Variants in NEB observed in about 807,000 individuals in gnomAD.
NEB encodes the protein nemaline myopathy type 2.
In NEB, 512 loss-of-function variants were observed where a neutral mutation model predicts 952.2. The observed-to-expected ratio is 0.54, with a 90% CI of 0.50 to 0.58. The LOEUF is 0.58. Ranked by LOEUF, NEB falls within the 20% of genes least tolerant of loss-of-function variation. The probability of loss-of-function intolerance (pLI) is 0.00; values close to 1 mark genes in which losing one functional copy is unlikely to be tolerated. For missense variants in NEB, 8,428 were observed against 9,231.1 expected (o/e 0.91, Z 3.56); for synonymous variants, 2,900 against 3,149.8 (o/e 0.92, Z 2.66).
At chr2:151,686,284 T>C (rs1223382728) in intron 27 of NEB, among the ~76,000 whole-genome samples, 1 of 152,250 alleles carries the variant, frequency 6.6e-6, no homozygotes, top group Non-Finnish European at 1.5e-5. Flanking sequence ...GTCTGCAGCT[T>C]AGCATTTTGC....
chr2:151,527,023 CTG>C lies in NEB; in HGVS notation c.21841-3_21841-2del. ...ACTCCCGGTCCAGCTTATATTCAAA[CTG>C]TGATAGAAGAAAGGCAGAAGAAAAG... On this transcript the variant is annotated splice_acceptor_variant and splice_polypyrimidine_tract_variant and intron_variant, in intron 147 of 181. Coordinates refer to ENST00000397345, the MANE Select transcript of NEB (RefSeq NM_001164508.2). LOFTEE classifies it high-confidence loss of function. 1 of 1,581,502 alleles carries C rather than the reference CTG, an allele frequency of 6.3e-7. No individual in the cohort carries two copies.
At position 151,568,809 on chromosome 2, in the gene NEB, A is replaced by G. The variant is rs961364519; in HGVS notation, c.17536-93T>C. On this transcript the variant is annotated intron_variant, in intron 110 of 181. Transcript: ENST00000397345. ...TAAATTTAGAGTCCTTCTCTACTAGAAACATACAGTGCCGTATTTGAATAG... is the reference window on the plus strand; with the variant it reads ...TAAATTTAGAGTCCTTCTCTACTAGGAACATACAGTGCCGTATTTGAATAG... The G allele has an allele frequency of 1.4e-5, 12 of 874,362 alleles. No individual in the cohort carries two copies. The Middle Eastern group carries it at 6.7e-4, about 49-fold the overall frequency. 54.2% of individuals were successfully genotyped at this position (874,362 alleles called of 1,614,324 possible).
At chr2:151,665,043 T>C (rs1343753259) in intron 42 of NEB, among the ~76,000 whole-genome samples, 180 bp from the exon 43 acceptor site, 1 of 152,178 alleles carries the variant, frequency 6.6e-6, no homozygotes, top group African/African-American at 2.4e-5. Flanking sequence ...AATTGTTGAA[T>C]ACGGCAACCC....
rs775841964 is a variant in NEB at position 151,672,571 on chromosome 2, G to T, written c.4097C>A (p.Ser1366Tyr). 2.5e-6 allele frequency: 4 copies of T among 1,613,878 alleles called. No individual in the cohort carries two copies. In the East Asian group the frequency reaches 8.9e-5, roughly 36 times the overall value. ...VHYMNVAKLQ[S>Y]DREYKKNYEN... ...ATAGTTCTTCTTGTATTCACGATCA[G>T]ACTGCAGCTTTGCCACATTCATATA... The change falls in exon 37 of 182, where the codon TCT becomes TAT. Residue 1366 changes from serine (S) to tyrosine (Y), a missense_variant. By Grantham distance (144) the Ser-to-Tyr change is moderately radical (BLOSUM62 -2). Coordinates refer to ENST00000397345, the MANE Select transcript of NEB (RefSeq NM_001164508.2).
chr2:151,729,951 AT>A (rs2099801869), intron 3 of NEB, among the ~76,000 whole-genome samples: 2 of 152,222 alleles, frequency 1.3e-5, no homozygotes, highest in Non-Finnish European at 1.5e-5. Flanking sequence ...GGACATGGAA[AT>A]TTTTTTCTTA....
intron 107 of NEB, among the ~76,000 whole-genome samples, chr2:151,574,272 C>T (rs894901694): frequency 5.3e-5 from 8 of 152,296 alleles, no homozygotes; most frequent in Non-Finnish European, 8.8e-5. Flanking sequence ...TCGCGCCAGG[C>T]ATGTTCTTAC....
In NEB at chr2:151,631,168, T is replaced by A. The variant is rs2098659755; in HGVS notation, c.9593A>T (p.Lys3198Met). Residue 3198 changes from lysine to methionine, a missense_variant, in exon 66 of 182, where the codon AAG becomes ATG. Physicochemically the swap from Lys to Met is moderately conservative, Grantham distance 95. Around this residue, in one of 11 missense-constraint regions of NEB, gnomAD observed 1,772 missense variants for 1,960.3 expected, o/e 0.90. Transcript: ENST00000397345. ...VTDSLEQVLAKNNALNMNKRL... is the reference protein window; with the variant it reads ...VTDSLEQVLAMNNALNMNKRL... ...CTTATTCATGTTGAGAGCATTGTTCTTGGCCAGCACCTGCTCTAGAGAATC... is the reference window on the plus strand; with the variant it reads ...CTTATTCATGTTGAGAGCATTGTTCATGGCCAGCACCTGCTCTAGAGAATC... The A allele has an allele frequency of 1.2e-6, 2 of 1,613,974 alleles. No homozygotes were observed. The highest frequency in any genetic ancestry group is 1.7e-6 in the Non-Finnish European group (2 of 1,179,854).
intron 148 of NEB, 143 bp downstream of exon 148, chr2:151,526,775 C>G (rs2086372936): frequency 3.1e-6 from 2 of 654,304 alleles, no homozygotes; most frequent in African/African-American, 3.6e-5. Context: ...GCGCCCCTCA[C>G]AGGACAGGCC....
intron 143 of NEB, among the ~76,000 whole-genome samples, chr2:151,532,325 G>C (rs2091725244): frequency 1.3e-5 from 2 of 152,108 alleles, no homozygotes; most frequent in African/African-American, 4.8e-5. Flanking sequence ...ACTAGAACCT[G>C]TTCTCTGGAG....
intron 167 of NEB, among the ~76,000 whole-genome samples, chr2:151,502,388 A>ACAT (rs2065344892): frequency 8.5e-5 from 2 of 23,406 alleles, no homozygotes; most frequent in Non-Finnish European, 2.1e-4. Context: ...ATCTAAACAT[A>ACAT]AAAAAAAAAA....
chr2:151,519,952 C>T (rs2080791902), intron 153 of NEB, 184 bp from the exon 154 acceptor site: 1 of 460,030 alleles, frequency 2.2e-6, no homozygotes, highest in East Asian at 3.3e-5. Context: ...GACAAGACAA[C>T]AGGCATTCAA....
chr2:151,500,593 C>CTTTT (rs11428843), intron 168 of NEB, among the ~76,000 whole-genome samples: 14 of 118,438 alleles, frequency 1.2e-4, no homozygotes, highest in African/African-American at 2.1e-4. Flanking sequence ...TTCTTTCTTC[C>CTTTT]TTTTTTTTTT....
Position 151,629,636 on chromosome 2 carries a change from T to A in NEB, c.9734A>T (p.Lys3245Ile). The A allele has an allele frequency of 1.9e-6, 3 of 1,613,402 alleles. No homozygotes were observed. The highest frequency in any genetic ancestry group is 1.7e-6 in the Non-Finnish European group (2 of 1,179,476). The stretch of plus-strand genomic sequence containing the variant: ...CTTTTTTGCTTCTTCATTGGCAAGT[T>A]TGTATAGAGTCTATGAAAAGAAAGG... ...NKINYSETLY[K>I]LANEEAKKKG... The change falls in exon 68 of 182, where the codon AAA (lysine) becomes ATA (isoleucine). Residue 3245 changes from lysine to isoleucine, a missense_variant. Physicochemically the swap from Lys to Ile is moderately radical, Grantham distance 102 (BLOSUM62 -3). Coordinates refer to ENST00000397345, the MANE Select transcript of NEB (RefSeq NM_001164508.2).
chr2:151,684,310 C>T (rs1223997421), intron 28 of NEB, among the ~76,000 whole-genome samples: 1 of 152,084 alleles, frequency 6.6e-6, no homozygotes, highest in Middle Eastern at 3.2e-3. Flanking sequence ...AAGTTCTGAT[C>T]TGCAGAAAAA....
intron 54 of NEB, 116 bp from the exon 55 acceptor site, chr2:151,646,350 A>G: frequency 2.5e-6 from 2 of 787,656 alleles, no homozygotes; most frequent in Admixed American, 2.1e-5. Flanking sequence ...AATTGATATA[A>G]TAAGCAGACA....
intron 77 of NEB, among the ~76,000 whole-genome samples, 172 bp from the exon 78 acceptor site, chr2:151,612,561 G>T (rs2098025345): frequency 6.6e-6 from 1 of 152,128 alleles, no homozygotes; most frequent in Non-Finnish European, 1.5e-5. Context: ...TAAATGCCTG[G>T]CTCCTGAAGG....
chr2:151,663,226 A>G (rs1269969852), intron 45 of NEB, among the ~76,000 whole-genome samples: 1 of 152,144 alleles, frequency 6.6e-6, no homozygotes, highest in East Asian at 1.9e-4. Flanking sequence ...TTCCTCTATT[A>G]AAAGCCTATT....
chr2:151,570,444 C>A, intron 108 of NEB, 52 bp from the exon 109 acceptor site: 1 of 1,589,022 alleles, frequency 6.3e-7, no homozygotes, highest in Non-Finnish European at 8.5e-7. Context: ...TCTTGATGCA[C>A]CTAGGGCATC....
chr2:151,490,197 A>G, intron 180 of NEB, 120 bp from the exon 181 acceptor site: 1 of 1,177,674 alleles, frequency 8.5e-7, no homozygotes, highest in Non-Finnish European at 1.2e-6. Flanking sequence ...AAAAAGAGAA[A>G]TCAAAGAAAA....
Sources: gnomAD v4.1 joint callset for allele counts (sites outside exome capture counted in the v4.1 genomes callset) on GRCh38, gnomAD v4.1.1 for gene constraint, gnomAD v4.1.1 regional missense constraint, MANE v1.5 for transcripts, NCBI Gene and HGNC (gene_info 2026-07-23, HGNC 2026-07-21) for gene names.